ABCC4: variants seen among roughly 807,000 people sequenced by gnomAD.
The protein encoded by ABCC4 is ATP-binding cassette sub-family C member 4.
A neutral mutation model predicts 168.5 loss-of-function variants in ABCC4; 102 were observed. The observed-to-expected ratio is 0.61, with a 90% CI of 0.52 to 0.71. The LOEUF (loss-of-function observed/expected upper bound fraction) is 0.71, where lower values mean the gene tolerates loss of function less well. Among genes scored for constraint, ABCC4 ranks in the 30% least tolerant of loss-of-function variants. The pLI is 0.00. For missense variants in ABCC4, 1,402 were observed against 1,605.8 expected, an observed-to-expected ratio of 0.87 and a Z score of 2.17; for synonymous variants, 617 against 590.7, an observed-to-expected ratio of 1.04 and a Z score of -0.65.
At chr13:95,045,729 C>T (rs1258376005) in intron 27 of ABCC4, among the ~76,000 whole-genome samples, 1 of 152,006 alleles carries the variant, frequency 6.6e-6, no homozygotes, top group Non-Finnish European at 1.5e-5. Flanking sequence ...TATAGAGGAA[C>T]CAAGAGTCAA....
At chr13:95,164,054 AAAAGAAAG>A (rs781636269) in intron 16 of ABCC4, among the ~76,000 whole-genome samples, 10,974 of 138,238 alleles carry the variant, frequency 0.079, 449 homozygotes, top group Middle Eastern at 0.16. Context: ...AAAAAAAAAA[AAAAGAAAG>A]AAAGAAAGAA....
At chr13:95,246,202 T>C (rs1459844326) in intron 3 of ABCC4, among the ~76,000 whole-genome samples, 1 of 152,188 alleles carries the variant, frequency 6.6e-6, no homozygotes, top group African/African-American at 2.4e-5. Context: ...TGTCCATTTA[T>C]ACATTCTCTG....
At chr13:95,225,143 TCTCTCTCTCTCACACACACACACACA>T (rs1478188669) in intron 4 of ABCC4, among the ~76,000 whole-genome samples, 14 of 49,178 alleles carry the variant, frequency 2.8e-4, no homozygotes, top group African/African-American at 1.1e-3. Flanking sequence ...TCTGTCTGTC[TCTCTCTCTCTCACACACACACACACA>T]CACACACACA....
intron 8 of ABCC4, among the ~76,000 whole-genome samples, chr13:95,199,744 GC>G (rs1171399085): frequency 2.0e-5 from 3 of 151,980 alleles, no homozygotes; most frequent in African/African-American, 7.3e-5. Flanking sequence ...TCTACTCTGG[GC>G]CCCCAATGCA....
At chr13:95,152,734 G>C (rs1326693294) in intron 19 of ABCC4, among the ~76,000 whole-genome samples, 1 of 151,930 alleles carries the variant, frequency 6.6e-6, no homozygotes, top group Admixed American at 6.6e-5. Flanking sequence ...TTATAATAAA[G>C]GGGGAAGGAA....
intron 3 of ABCC4, among the ~76,000 whole-genome samples, chr13:95,244,670 A>AAAGAAAGAAAGAAAGAAAGAAATCAATC (rs72377318): frequency 1.9e-5 from 2 of 106,460 alleles, no homozygotes; most frequent in East Asian, 2.5e-4. Flanking sequence ...AGAAAGAAAG[A>AAAGAAAGAAAGAAAGAAAGAAATCAATC]AATCATAGCA....
intron 20 of ABCC4, among the ~76,000 whole-genome samples, chr13:95,084,616 A>G (rs983924144): frequency 6.6e-6 from 1 of 152,154 alleles, no homozygotes; most frequent in Admixed American, 6.5e-5. Flanking sequence ...TAACAAGAAA[A>G]CAAGTCAAAA....
At chr13:95,201,449 T>A (rs1271258910) in intron 8 of ABCC4, among the ~76,000 whole-genome samples, 1 of 152,180 alleles carries the variant, frequency 6.6e-6, no homozygotes, top group Non-Finnish European at 1.5e-5. Context: ...TTGTTAGGCA[T>A]TTTCCAAATC....
At chr13:95,185,641 G>T (rs1204538259) in intron 11 of ABCC4, among the ~76,000 whole-genome samples, 2 of 150,918 alleles carry the variant, frequency 1.3e-5, no homozygotes, top group African/African-American at 5.0e-5. Context: ...ACTGCACAGG[G>T]CCTGGGGAGA....
chr13:95,257,971 A>G (rs2040434216), intron 1 of ABCC4, among the ~76,000 whole-genome samples: 1 of 152,208 alleles, frequency 6.6e-6, no homozygotes, highest in Non-Finnish European at 1.5e-5. Context: ...TGCCCCACAC[A>G]TAAGCCTCAC....
At chr13:95,259,852 TG>T (rs1184016021) in intron 1 of ABCC4, among the ~76,000 whole-genome samples, 4 of 113,620 alleles carry the variant, frequency 3.5e-5, no homozygotes, top group East Asian at 4.9e-4. Context: ...CTGTGTAGTG[TG>T]GGGAAAAAAA....
At chr13:95,085,388 C>T (rs990646183) in intron 20 of ABCC4, among the ~76,000 whole-genome samples, 6 of 152,052 alleles carry the variant, frequency 3.9e-5, no homozygotes, top group African/African-American at 1.2e-4. Context: ...TGCAGTGATC[C>T]GAGATGGTGC....
Position 95,170,596 on chromosome 13 carries a change from G to A in ABCC4, c.1760C>T (p.Thr587Ile). Residue 587 changes from threonine to isoleucine, a missense_variant, in exon 14 of 31, where the codon ACA becomes ATA. By Grantham distance (89) the Thr-to-Ile change is moderately conservative. This residue lies in a region of ABCC4 where 1,007 missense variants were observed against 1,127.3 expected (regional missense o/e 0.89). Transcript: ENST00000645237. ...CTGCAACTGATGAGTCACTAAAATT[G>A]TGATCTTCTCATGCAAAATTTGACA... ...CICQILHEKI[T>I]ILVTHQLQYL... The A allele has an allele frequency of 6.2e-7, 1 of 1,611,954 alleles. No homozygotes were observed. The highest frequency in any genetic ancestry group is 8.5e-7 in the Non-Finnish European group (1 of 1,179,518).
intron 20 of ABCC4, chr13:95,096,222 G>T (rs954471900): frequency 1.6e-6 from 1 of 619,282 alleles, no homozygotes; most frequent in Admixed American, 2.9e-5. Flanking sequence ...GCTGGCAGCA[G>T]ATTGGGATAA....
chr13:95,247,189 G>C, intron 2 of ABCC4, 94 bp from the exon 3 acceptor site: 3 of 1,386,602 alleles, frequency 2.2e-6, no homozygotes, highest in Non-Finnish European at 3.0e-6. Context: ...ATTTAAGACA[G>C]GGCATTTTGT....
chr13:95,021,723 A>T lies in ABCC4; in HGVS notation c.3871-41T>A, dbSNP rs201789408. On this transcript the variant is annotated intron_variant, in intron 30 of 30. Transcript: ENST00000645237. ...GTAAGCATAAAAAGAATGTTTCAAA[A>T]TTTTAAAGTCTCCTCCCTGAAACAA... The T allele has an allele frequency of 4.9e-5, 70 of 1,422,910 alleles. No homozygotes were observed. In the East Asian group the frequency reaches 1.3e-3, roughly 26 times the overall value. The allele number at this position is 1,422,910 out of a possible 1,614,324, so 88.1% of individuals were successfully genotyped here. A position where few individuals can be genotyped will look rare whatever the true frequency, so the allele number is the denominator to read the frequency against.
At chr13:95,114,963 T>G (rs946211256) in intron 20 of ABCC4, among the ~76,000 whole-genome samples, 2 of 152,138 alleles carry the variant, frequency 1.3e-5, no homozygotes, top group Admixed American at 1.3e-4. Flanking sequence ...CTATTCTAAG[T>G]TGGCACTTAG....
intron 1 of ABCC4, among the ~76,000 whole-genome samples, chr13:95,282,984 A>G (rs1404114513): frequency 6.6e-6 from 1 of 151,862 alleles, no homozygotes; most frequent in East Asian, 2.0e-4. Context: ...TTGGGATCCC[A>G]AGGCAGGTGG....
intron 4 of ABCC4, among the ~76,000 whole-genome samples, chr13:95,217,488 T>C (rs1024228912): frequency 1.3e-5 from 2 of 152,242 alleles, no homozygotes; most frequent in South Asian, 4.1e-4. Context: ...TCCTAGCACT[T>C]TGGGAGGCCA....
Sources: gnomAD v4.1 joint callset for allele counts (sites outside exome capture counted in the v4.1 genomes callset) on GRCh38, gnomAD v4.1.1 for gene constraint, gnomAD v4.1.1 regional missense constraint, MANE v1.5 for transcripts, NCBI Gene and HGNC (gene_info 2026-07-23, HGNC 2026-07-21) for gene names.